The following EPG5 variants were observed in gnomAD, a reference collection of about 807,000 sequenced individuals.
EPG5 encodes ectopic P granules protein 5 homolog.
Under a neutral mutation model 302.7 loss-of-function variants are expected in EPG5, and 159 were observed. The ratio of observed to expected loss-of-function variants is 0.53; its 90% confidence interval spans 0.46 to 0.60. EPG5 has a LOEUF of 0.60. Ranked by LOEUF, EPG5 falls within the 20% of genes least tolerant of loss-of-function variation. EPG5 has a pLI of 0.00. For synonymous variants in EPG5, 1,158 were observed against 1,136.8 expected (o/e 1.02, Z -0.37); for missense variants, 2,896 against 3,092.4 (o/e 0.94, Z 1.51).
At chr18:45,944,687 G>A (rs8097415) in intron 7 of EPG5, among the ~76,000 whole-genome samples, 29,403 of 151,310 alleles carry the variant, frequency 0.19, 4,540 homozygotes, top group African/African-American at 0.4. Context: ...CCTGGGAGTC[G>A]GAGGTTGCAG....
chr18:45,959,008 A>T (rs189762016), intron 1 of EPG5, among the ~76,000 whole-genome samples: 3,414 of 152,258 alleles, frequency 0.022, 135 homozygotes, highest in African/African-American at 0.078. Context: ...CCAACCCACC[A>T]AGTTATCCTT....
In EPG5 at chr18:45,884,771, A is replaced by G; in HGVS notation, c.5150T>C (p.Leu1717Pro). ...SGIKSECRKV[L>P]ETILKNSRLC... ...CCTGCTGTTCTTCAGAATGGTTTCA[A>G]GTACTTTTCTGCACTCTGATTTAAT... The change falls in exon 30 of 44, where the codon CTT becomes CCT. Residue 1717 changes from leucine (L) to proline (P), a missense_variant. This residue lies in a region of EPG5 where 790 missense variants were observed against 798.0 expected (regional missense o/e 0.99). Transcript: ENST00000282041. 12 of 1,584,570 alleles carry G rather than the reference A, an allele frequency of 7.6e-6. No individual in the cohort carries two copies. The highest frequency in any genetic ancestry group is 1.0e-5 in the Non-Finnish European group (12 of 1,170,956).
chr18:45,841,984 C>T, the EPG5 span: 16 of 899,514 alleles, frequency 1.8e-5, no homozygotes, highest in Admixed American at 9.8e-5. Context: ...TGAGCCCTGC[C>T]GGTTCCAGCC....
chr18:45,876,247 T>C lies in EPG5; in HGVS notation c.6038A>G (p.Glu2013Gly), dbSNP rs779106020. Reference protein sequence around the residue: ...LFTDCIDSLHESFKDKLLPGD... With the variant: ...LFTDCIDSLHGSFKDKLLPGD... ...TGACATCTTCCTACCTTTAAAACTC[T>C]CATGCAGTGAGTCAATACAGTCAGT... Residue 2013 changes from glutamate to glycine, a missense_variant, in exon 35 of 44, where the codon GAG becomes GGG. Coordinates refer to ENST00000282041, the MANE Select transcript of EPG5 (RefSeq NM_020964.3). 9 of 1,611,780 alleles carry C rather than the reference T, an allele frequency of 5.6e-6. No homozygotes were observed. In the South Asian group the frequency reaches 9.9e-5, roughly 18 times the overall value.
Position 45,922,431 on chromosome 18 carries a change from G to A in EPG5, c.3008C>T (p.Ser1003Leu). 1 of 1,614,220 alleles carries A rather than the reference G, an allele frequency of 6.2e-7. No individual in the cohort carries two copies. The highest frequency in any genetic ancestry group is 8.5e-7 in the Non-Finnish European group (1 of 1,180,038). ...CTTCAAGAGAGGATGAAACGTGGGT[G>A]ACTCTGTCATGTCAGGCACAGTGAC... ...FSVTVPDMTE[S>L]PTFHPLLKAV... Residue 1003 changes from serine to leucine, a missense_variant, in exon 16 of 44, where the codon TCA becomes TTA. Ser to Leu is a moderately radical substitution (Grantham distance 145). Around this residue, in one of 5 missense-constraint regions of EPG5, gnomAD observed 1,390 missense variants for 1,430.0 expected, o/e 0.97. Transcript: ENST00000282041.
At chr18:45,863,755 C>T (rs917525531) in intron 39 of EPG5, among the ~76,000 whole-genome samples, 2 of 152,220 alleles carry the variant, frequency 1.3e-5, no homozygotes, top group Non-Finnish European at 2.9e-5. Flanking sequence ...ACTGAGAAGT[C>T]AGCTGTCAGT....
chr18:45,853,978 T>C (rs2048464455), intron 43 of EPG5, among the ~76,000 whole-genome samples: 1 of 152,224 alleles, frequency 6.6e-6, no homozygotes, highest in Non-Finnish European at 1.5e-5. Context: ...ATGACAAGTA[T>C]GTATGGGACA....
At chr18:45,854,280 C>G (rs2048470797) in intron 43 of EPG5, among the ~76,000 whole-genome samples, 1 of 152,232 alleles carries the variant, frequency 6.6e-6, no homozygotes, top group South Asian at 2.1e-4. Context: ...TGTGGAGAAC[C>G]TGCTAATCTG....
downstream of EPG5, among the ~76,000 whole-genome samples, chr18:45,845,299 C>G (rs936596118): frequency 1.3e-5 from 2 of 152,200 alleles, no homozygotes; most frequent in African/African-American, 4.8e-5. Flanking sequence ...GTTTCAGATG[C>G]AGTGAGAGGC....
At chr18:45,958,586 G>A (rs1038415539) in intron 1 of EPG5, among the ~76,000 whole-genome samples, 2 of 152,138 alleles carry the variant, frequency 1.3e-5, no homozygotes, top group Admixed American at 6.6e-5. Context: ...AACAAATGGT[G>A]CTACAACAAC....
At position 45,955,111 on chromosome 18, in the gene EPG5, C is replaced by T. The variant is rs376360251; in HGVS notation, c.291G>A (p.Thr97=). 1.1e-5 allele frequency: 18 copies of T among 1,613,956 alleles called. No homozygotes were observed. In the Admixed American group the frequency reaches 1.5e-4, roughly 13 times the overall value. ...SLTISNEESL[T]CNTEPPKEGG... is the part of the protein sequence containing the mutation. Reference sequence around the variant, plus strand: ...CTTCCTTTGGGGGCTCTGTGTTACACGTCAGGGACTCTTCATTGCTTATAG... The same window carrying T: ...CTTCCTTTGGGGGCTCTGTGTTACATGTCAGGGACTCTTCATTGCTTATAG... Residue 97 remains threonine (T), a synonymous_variant, in exon 2 of 44, where the codon ACG becomes ACA. Transcript: ENST00000282041.
At chr18:45,840,162 C>A in the EPG5 span, 1 of 1,606,596 alleles carries the variant, frequency 6.2e-7, no homozygotes, top group Non-Finnish European at 8.5e-7. Context: ...GCACAGGCTG[C>A]AGACTGCGGT....
At position 45,850,432 on chromosome 18, in the gene EPG5, G is replaced by C. The variant is rs2048410214; in HGVS notation, c.*2035C>G. On this transcript the variant is annotated 3_prime_UTR_variant, in exon 44 of 44. Coordinates refer to ENST00000282041, the MANE Select transcript of EPG5 (RefSeq NM_020964.3). ...CTTTATAGCACGTTCCTAGCCCAGAGTTTCCCATAGACACCTAGGAGTTGA... is the reference window on the plus strand; with the variant it reads ...CTTTATAGCACGTTCCTAGCCCAGACTTTCCCATAGACACCTAGGAGTTGA... 1 of 152,222 alleles carries C rather than the reference G, an allele frequency of 6.6e-6. No individual in the cohort carries two copies. Among genetic ancestry groups the C allele is most frequent in the Non-Finnish European group, 1.5e-5 (1 of 68,040 alleles). 9.4% of individuals were successfully genotyped at this position (152,222 alleles called of 1,614,324 possible).
chr18:45,883,941 A>G (rs1372403656), intron 30 of EPG5, among the ~76,000 whole-genome samples: 1 of 150,532 alleles, frequency 6.6e-6, no homozygotes, highest in African/African-American at 2.4e-5. Context: ...ATAAAATATT[A>G]AAGTTAATAT....
intron 27 of EPG5, among the ~76,000 whole-genome samples, chr18:45,890,594 A>AT (rs958194839): frequency 6.6e-6 from 1 of 152,018 alleles, no homozygotes; most frequent in Non-Finnish European, 1.5e-5. Flanking sequence ...AAAAAACTAA[A>AT]TTTTTTTCAA....
At chr18:45,941,386 A>C (rs1044020337) in intron 9 of EPG5, among the ~76,000 whole-genome samples, 9 of 152,222 alleles carry the variant, frequency 5.9e-5, no homozygotes, top group African/African-American at 2.2e-4. Context: ...AGAGATCTTC[A>C]TCTGTAGGAG....
At chr18:45,830,583 CT>C in the EPG5 span, among the ~76,000 whole-genome samples, 231 of 96,724 alleles carry the variant, frequency 2.4e-3, no homozygotes, top group African/African-American at 8.3e-3. Flanking sequence ...ATTTTTCTTT[CT>C]TTTTTTTTTT....
intron 16 of EPG5, among the ~76,000 whole-genome samples, chr18:45,920,056 C>T (rs546046018): frequency 3.9e-4 from 59 of 152,338 alleles, no homozygotes; most frequent in Non-Finnish European, 7.6e-4. Context: ...CTGATCACCT[C>T]CATTCTCCAA....
rs139285595 is a variant in EPG5 at position 45,872,602 on chromosome 18, G to A, written c.6050-1860C>T. The stretch of plus-strand genomic sequence containing the variant: ...ACCTGTAATCCCAGCTACTCGGGAG[G>A]CTGAGGTGGGAGAACTGCTTGAACC... On this transcript the variant is annotated intron_variant, in intron 35 of 43. Transcript: ENST00000282041. Among the ~76,000 whole-genome samples, 854 of 152,222 alleles carry A rather than the reference G, an allele frequency of 5.6e-3. 21 individuals carry two copies. Among genetic ancestry groups the A allele is most frequent in the African/African-American group, 0.02 (812 of 41,524 alleles).
Sources: allele counts gnomAD v4.1 joint callset (sites outside exome capture counted in the v4.1 genomes callset), GRCh38; gene constraint gnomAD v4.1.1; regional missense constraint gnomAD v4.1.1; transcripts MANE v1.5; gene names NCBI Gene and HGNC (gene_info 2026-07-23, HGNC 2026-07-21).